The following ELMOD2 variants were observed in gnomAD, a reference collection of about 807,000 sequenced individuals.
The protein encoded by ELMOD2 is ELMO domain containing 2, also known as ELMO domain-containing protein 2.
ELMOD2 carries 28 observed loss-of-function variants against 41.0 expected under a neutral mutation model. That is an observed-to-expected ratio of 0.68 (90% CI 0.51 to 0.94). The LOEUF is 0.94. Among genes scored for constraint, ELMOD2 ranks in the 40% least tolerant of loss-of-function variants. ELMOD2 has a pLI of 0.00. For missense variants in ELMOD2, 333 were observed against 343.1 expected, an observed-to-expected ratio of 0.97 and a Z score of 0.23; for synonymous variants, 106 against 107.2, an observed-to-expected ratio of 0.99 and a Z score of 0.07.
chr4:140,526,227 ATATAT>A (rs1380476267), intron 2 of ELMOD2, among the ~76,000 whole-genome samples: 1 of 152,244 alleles, frequency 6.6e-6, no homozygotes, highest in African/African-American at 2.4e-5. Flanking sequence ...TGGGTTAAAA[ATATAT>A]TAAAATGTTA....
At chr4:140,542,367 C>A (rs180802005) in intron 6 of ELMOD2, 1 of 372,016 alleles carries the variant, frequency 2.7e-6, no homozygotes, top group African/African-American at 2.1e-5. Flanking sequence ...TTGTCAATGA[C>A]CTATATTCTG....
At chr4:140,534,260 T>A (rs1372471746) in intron 3 of ELMOD2, among the ~76,000 whole-genome samples, 5 of 152,142 alleles carry the variant, frequency 3.3e-5, no homozygotes, top group African/African-American at 7.2e-5. Flanking sequence ...TGAGTAAGAA[T>A]GTGGATGAAT....
chr4:140,546,409 A>G (rs965022758), intron 8 of ELMOD2, among the ~76,000 whole-genome samples: 1 of 152,076 alleles, frequency 6.6e-6, no homozygotes, highest in Non-Finnish European at 1.5e-5. Context: ...TGGGTGCAGC[A>G]CACCAACATG....
chr4:140,540,308 G>A lies in ELMOD2; in HGVS notation c.533+7G>A, dbSNP rs1284836996. ...TTGGGTTAATCAATCTTGTGTAAGT[G>A]AAAGTAAACTTTCTTTTCTTCCCTA... On this transcript the variant is annotated splice_region_variant and intron_variant, in intron 6 of 8. Coordinates refer to ENST00000323570, the MANE Select transcript of ELMOD2 (RefSeq NM_153702.4). The A allele has an allele frequency of 1.2e-6, 2 of 1,610,402 alleles. No homozygotes were observed. The highest frequency in any genetic ancestry group is 2.7e-5 in the African/African-American group (2 of 74,672).
At chr4:140,543,688 T>C (rs1735177852) in intron 8 of ELMOD2, 102 bp downstream of exon 8, 3 of 942,610 alleles carry the variant, frequency 3.2e-6, no homozygotes, top group South Asian at 6.1e-5. Context: ...GTGAAGTATA[T>C]AACTTATGTT....
At chr4:140,548,657 C>G (rs913089237) in intron 8 of ELMOD2, among the ~76,000 whole-genome samples, 1 of 152,100 alleles carries the variant, frequency 6.6e-6, no homozygotes, top group African/African-American at 2.4e-5. Flanking sequence ...ATTTGGGGCA[C>G]ATCATTTAAC....
At position 140,540,284 on chromosome 4, in the gene ELMOD2, T is replaced by C. The variant is rs1403090406; in HGVS notation, c.516T>C (p.Leu172=). The change falls in exon 6 of 9, where the codon CTT becomes CTC. Residue 172 remains leucine, a synonymous_variant. Transcript: ENST00000323570. ...CAGACTTCAGAGGCATGGGCATACT[T>C]GGGTTAATCAATCTTGTGTAAGTGA... is the stretch of plus-strand genomic sequence containing the variant. ...PKTDFRGMGI[L]GLINLVYFSE... is the part of the protein sequence containing the mutation. 2 of 1,613,710 alleles carry C rather than the reference T, an allele frequency of 1.2e-6. No homozygotes were observed.
intron 4 of ELMOD2, among the ~76,000 whole-genome samples, chr4:140,537,009 A>G (rs1276610984): frequency 6.6e-6 from 1 of 152,166 alleles, no homozygotes; most frequent in Non-Finnish European, 1.5e-5. Context: ...AAGAAAGAGC[A>G]TGTTTCTTTA....
chr4:140,541,737 C>A (rs931543065), intron 6 of ELMOD2, among the ~76,000 whole-genome samples: 6 of 151,948 alleles, frequency 3.9e-5, no homozygotes, highest in Non-Finnish European at 7.4e-5. Flanking sequence ...AATTCATGGA[C>A]TTCTAAGTTA....
intron 2 of ELMOD2, 42 bp downstream of exon 2, chr4:140,525,612 C>T (rs762001579): frequency 5.1e-6 from 8 of 1,573,320 alleles, no homozygotes; most frequent in Non-Finnish European, 6.9e-6. Flanking sequence ...AAAAGTTTAA[C>T]GGAGTGTTTT....
At chr4:140,524,743 C>T (rs576405177) in intron 1 of ELMOD2, 4 of 603,698 alleles carry the variant, frequency 6.6e-6, no homozygotes, top group Non-Finnish European at 8.3e-6. Flanking sequence ...CTAGTATCTC[C>T]CTGACTTTTT....
In ELMOD2 at chr4:140,550,388, A is replaced by G. The variant is rs1261132465; in HGVS notation, c.*13A>G. 8 of 1,584,540 alleles carry G rather than the reference A, an allele frequency of 5.0e-6. No homozygotes were observed. Among genetic ancestry groups the G allele is most frequent in the African/African-American group, 1.4e-5 (1 of 73,450 alleles). The stretch of plus-strand genomic sequence containing the variant: ...TTTAAAAGTATAAATCATCCACTGT[A>G]TCTTCTATTTCTACCACATTTTGCA... On this transcript the variant is annotated 3_prime_UTR_variant, in exon 9 of 9. Transcript: ENST00000323570.
At chr4:140,531,755 C>G (rs1186817724) in intron 3 of ELMOD2, among the ~76,000 whole-genome samples, 4 of 152,102 alleles carry the variant, frequency 2.6e-5, no homozygotes, top group Non-Finnish European at 4.4e-5. Context: ...AACTTTATGC[C>G]AGTAAATTGT....
chr4:140,553,751 A>T lies in ELMOD2; in HGVS notation c.*3376A>T, dbSNP rs920742286. 6.6e-6 allele frequency: 1 copy of T among 152,164 alleles called. No individual in the cohort carries two copies. Among genetic ancestry groups the T allele is most frequent in the African/African-American group, 2.4e-5 (1 of 41,468 alleles). 9.4% of individuals were successfully genotyped at this position (152,164 alleles called of 1,614,324 possible). On this transcript the variant is annotated 3_prime_UTR_variant, in exon 9 of 9. Transcript: ENST00000323570. ...TGTTTGGAATGTTAAGTGAGCAAAT[A>T]AAAAACATGTTGAAATTGTTGTAAG...
At position 140,543,578 on chromosome 4, in the gene ELMOD2, A is replaced by T; in HGVS notation, c.728A>T (p.Gln243Leu). Residue 243 changes from glutamine to leucine, a missense_variant, in exon 8 of 9, where the codon CAG (glutamine) becomes CTG (leucine). By Grantham distance (113) the Gln-to-Leu change is moderately radical. Transcript: ENST00000323570. Reference sequence around the variant, plus strand: ...ATACCAACAATGGAACACTTTCATCAGTTTTACTGTGAGTATTAAAATGAG... The same window carrying T: ...ATACCAACAATGGAACACTTTCATCTGTTTTACTGTGAGTATTAAAATGAG... ...PGIPTMEHFH[Q>L]FYCYLVYEFD... The T allele has an allele frequency of 1.3e-6, 2 of 1,585,688 alleles. No homozygotes were observed. The highest frequency in any genetic ancestry group is 1.8e-4 in the Middle Eastern group (1 of 5,700).
intron 8 of ELMOD2, among the ~76,000 whole-genome samples, chr4:140,544,987 T>C (rs767552458): frequency 3.9e-5 from 6 of 152,134 alleles, no homozygotes; most frequent in African/African-American, 9.7e-5. Context: ...AGTGTCCACC[T>C]CCAGATACTG....
chr4:140,524,285 C>T lies in ELMOD2; in HGVS notation c.-10+5C>T, dbSNP rs541468500. 2.6e-5 allele frequency: 4 copies of T among 152,476 alleles called. No individual in the cohort carries two copies. The South Asian group carries it at 8.3e-4, about 32-fold the overall frequency. 9.4% of individuals were successfully genotyped at this position (152,476 alleles called of 1,614,324 possible). ...TAGTTCTTCCGCTCCTGTGAGGTGGCTGCTGTTTCTTTTCCTCTTGCCCCG... is the reference window on the plus strand; with the variant it reads ...TAGTTCTTCCGCTCCTGTGAGGTGGTTGCTGTTTCTTTTCCTCTTGCCCCG... On this transcript the variant is annotated splice_donor_5th_base_variant and intron_variant, in intron 1 of 8. Transcript: ENST00000323570.
rs116770629 is a variant in ELMOD2 at position 140,547,088 on chromosome 4, C to T, written c.737-3142C>T. Among the ~76,000 whole-genome samples the T allele has an allele frequency of 3.5e-3, 536 of 152,238 alleles. 2 individuals are homozygous for T. The highest frequency in any genetic ancestry group is 0.012 in the South Asian group (57 of 4,826). ...CTTTTCTTCTTAAGAGGAACCTGTT[C>T]TAACTAGAATAATAACTTGAAACCT... On this transcript the variant is annotated intron_variant, in intron 8 of 8. Transcript: ENST00000323570.
intron 3 of ELMOD2, among the ~76,000 whole-genome samples, chr4:140,530,127 T>C (rs925667454): frequency 6.6e-6 from 1 of 152,238 alleles, no homozygotes; most frequent in Admixed American, 6.5e-5. Context: ...TTTACTAATT[T>C]ACTGTAGAGG....
Sources: gnomAD v4.1 joint callset for allele counts (sites outside exome capture counted in the v4.1 genomes callset) on GRCh38, gnomAD v4.1.1 for gene constraint, MANE v1.5 for transcripts, NCBI Gene and HGNC (gene_info 2026-07-23, HGNC 2026-07-21) for gene names.